The following VSTM2B variants were observed in gnomAD, a reference collection of about 807,000 sequenced individuals.
VSTM2B encodes the protein V-set and transmembrane domain-containing protein 2B.
A neutral mutation model predicts 24.0 loss-of-function variants in VSTM2B; 24 were observed. That is an observed-to-expected ratio of 1.00 (90% CI 0.72 to 1.40). The LOEUF (loss-of-function observed/expected upper bound fraction) is 1.40. VSTM2B is among the 40% of genes most tolerant of loss of function. VSTM2B has a pLI of 0.00. For missense variants in VSTM2B, 399 were observed against 416.4 expected (o/e 0.96, Z 0.36); for synonymous variants, 226 against 194.4 (o/e 1.16, Z -1.35).
At chr19:29,539,775 C>A (rs1379366584) in intron 4 of VSTM2B, among the ~76,000 whole-genome samples, 1 of 152,238 alleles carries the variant, frequency 6.6e-6, no homozygotes, top group East Asian at 1.9e-4. Flanking sequence ...GACAGAGATA[C>A]CACCTCTGGG....
chr19:29,552,795 G>A (rs1970316546), intron 4 of VSTM2B, among the ~76,000 whole-genome samples: 1 of 152,196 alleles, frequency 6.6e-6, no homozygotes, highest in East Asian at 1.9e-4. Flanking sequence ...GAGACTAGGT[G>A]GTTTGGACCC....
chr19:29,533,142 A>G (rs996244230), intron 4 of VSTM2B, among the ~76,000 whole-genome samples: 4 of 152,158 alleles, frequency 2.6e-5, no homozygotes, highest in Non-Finnish European at 5.9e-5. Context: ...CCCAGAAGAT[A>G]TGGAGGTCCT....
At chr19:29,549,151 T>C (rs1304262534) in intron 4 of VSTM2B, among the ~76,000 whole-genome samples, 1 of 152,252 alleles carries the variant, frequency 6.6e-6, no homozygotes, top group East Asian at 1.9e-4. Context: ...GATTATAATT[T>C]ACAATTTGTA....
In VSTM2B at chr19:29,562,962, C is replaced by T. The variant is rs367947802; in HGVS notation, c.770-884C>T. On this transcript the variant is annotated intron_variant, in intron 4 of 4. Coordinates refer to ENST00000335523, the MANE Select transcript of VSTM2B (RefSeq NM_001146339.2). ...TTCTCAAAGACCCCAGCCCACTCAT[C>T]TCCACCAACCTGCAATTTCTCAGCT... Among the ~76,000 whole-genome samples, 5 of 152,262 alleles carry T rather than the reference C, an allele frequency of 3.3e-5. No individual in the cohort carries two copies. In the East Asian group the frequency reaches 9.7e-4, roughly 30 times the overall value.
intron 4 of VSTM2B, among the ~76,000 whole-genome samples, chr19:29,557,222 GAAAT>G (rs1426636742): frequency 6.6e-6 from 1 of 152,138 alleles, no homozygotes; most frequent in Non-Finnish European, 1.5e-5. Context: ...AGAGAACTCA[GAAAT>G]AAATAAGACG....
chr19:29,551,110 G>T (rs570402360), intron 4 of VSTM2B, among the ~76,000 whole-genome samples: 1 of 152,302 alleles, frequency 6.6e-6, no homozygotes, highest in African/African-American at 2.4e-5. Context: ...TAAGCTGGGA[G>T]CCCCCTACTG....
At chr19:29,537,841 G>T (rs935289210) in intron 4 of VSTM2B, among the ~76,000 whole-genome samples, 3 of 151,972 alleles carry the variant, frequency 2.0e-5, no homozygotes, top group African/African-American at 7.3e-5. Flanking sequence ...CCCCCTAAAA[G>T]TCCCAGTTGA....
In VSTM2B at chr19:29,558,584, A is replaced by G. The variant is rs187745610; in HGVS notation, c.770-5262A>G. Among the ~76,000 whole-genome samples, 12 of 152,334 alleles carry G rather than the reference A, an allele frequency of 7.9e-5. No homozygotes were observed. The East Asian group carries it at 2.3e-3, about 29-fold the overall frequency. Reference sequence around the variant, plus strand: ...ACGGACATGGATGGAGCTGGAAGCCATTATCCTCAGGAAACTAATGCAAGA... The same window carrying G: ...ACGGACATGGATGGAGCTGGAAGCCGTTATCCTCAGGAAACTAATGCAAGA... On this transcript the variant is annotated intron_variant, in intron 4 of 4. Coordinates refer to ENST00000335523, the MANE Select transcript of VSTM2B (RefSeq NM_001146339.2).
chr19:29,530,231 C>T lies in VSTM2B; in HGVS notation c.710C>T (p.Ala237Val), dbSNP rs947093252. 44 of 1,502,836 alleles carry T rather than the reference C, an allele frequency of 2.9e-5. No homozygotes were observed. The highest frequency in any genetic ancestry group is 3.5e-5 in the Non-Finnish European group (40 of 1,132,706). The allele number at this position is 1,502,836 out of a possible 1,614,324, so 93.1% of individuals were successfully genotyped here. A position where few individuals can be genotyped will look rare whatever the true frequency, so the allele number is the denominator to read the frequency against. ...ACCACAGTCGCGGCAGCTGCTGCTG[C>T]CTCGTCAGCGTCGCCGCCATCGGGA... The part of the protein sequence containing the change: ...PTTTVAAAAA[A>V]SSASPPSGQA... The change falls in exon 4 of 5, where the codon GCC (alanine) becomes GTC (valine). Residue 237 changes from alanine to valine, a missense_variant. By Grantham distance (64) the Ala-to-Val change is moderately conservative. Transcript: ENST00000335523.
At chr19:29,552,760 C>A (rs1002790276) in intron 4 of VSTM2B, among the ~76,000 whole-genome samples, 5 of 152,220 alleles carry the variant, frequency 3.3e-5, no homozygotes, top group Non-Finnish European at 7.3e-5. Flanking sequence ...TTCCAGTCTG[C>A]TGCTTTTCCC....
rs192222346 is a variant in VSTM2B, at chr19:29,554,287, T to C, written c.770-9559T>C. 1.2e-3 allele frequency among the ~76,000 whole-genome samples: 185 copies of C among 152,296 alleles called. No individual in the cohort carries two copies. In the Middle Eastern group the frequency reaches 0.02, roughly 17 times the overall value. On this transcript the variant is annotated intron_variant, in intron 4 of 4. Coordinates refer to ENST00000335523, the MANE Select transcript of VSTM2B (RefSeq NM_001146339.2). ...CCAATATTCAACATTCTTAAAAGAA[T>C]TTCCAACACAGAATATCATATCCAG...
chr19:29,541,382 G>T (rs557579785), intron 4 of VSTM2B, among the ~76,000 whole-genome samples: 17 of 152,220 alleles, frequency 1.1e-4, no homozygotes, highest in African/African-American at 3.1e-4. Flanking sequence ...TCTGAATGGG[G>T]TGATAAAAAC....
intron 4 of VSTM2B, among the ~76,000 whole-genome samples, chr19:29,531,892 AT>A (rs1969769213): frequency 6.6e-6 from 1 of 152,264 alleles, no homozygotes; most frequent in Admixed American, 6.5e-5. Flanking sequence ...CCATGCAGTC[AT>A]CCAGGGACCC....
At chr19:29,532,597 C>T (rs1255521944) in intron 4 of VSTM2B, among the ~76,000 whole-genome samples, 1 of 152,222 alleles carries the variant, frequency 6.6e-6, no homozygotes, top group East Asian at 1.9e-4. Context: ...GGTTGTGCTT[C>T]CACCACTTAC....
chr19:29,529,931 C>A lies in VSTM2B; in HGVS notation c.410C>A (p.Thr137Lys). The change falls in exon 4 of 5, where the codon ACG (threonine) becomes AAG (lysine). Residue 137 changes from threonine (T) to lysine (K), a missense_variant. Transcript: ENST00000335523. ...GTGTCGGACTACAGCGACGACGACACGCAGGAGCACAAGGCCCAGGCGATG... is the reference window on the plus strand; with the variant it reads ...GTGTCGGACTACAGCGACGACGACAAGCAGGAGCACAAGGCCCAGGCGATG... Reference protein sequence around the residue: ...CRVSDYSDDDTQEHKAQAMLR... With the variant: ...CRVSDYSDDDKQEHKAQAMLR... The A allele has an allele frequency of 6.5e-7, 1 of 1,550,050 alleles. No individual in the cohort carries two copies. Among genetic ancestry groups the A allele is most frequent in the Non-Finnish European group, 8.7e-7 (1 of 1,146,822 alleles).
In VSTM2B at chr19:29,533,983, T is replaced by A. The variant is rs1969823831; in HGVS notation, c.769+3693T>A. ...GAGGGGTCCAGAAAGGACCGCTGCC[T>A]CTTGGTTAATAGTCAAGAGTGTTTG... On this transcript the variant is annotated intron_variant, in intron 4 of 4. Coordinates refer to ENST00000335523, the MANE Select transcript of VSTM2B (RefSeq NM_001146339.2). Among the ~76,000 whole-genome samples the A allele has an allele frequency of 2.0e-5, 3 of 152,232 alleles. No homozygotes were observed. The South Asian group carries it at 6.2e-4, about 32-fold the overall frequency.
At chr19:29,550,015 T>G (rs1359411565) in intron 4 of VSTM2B, among the ~76,000 whole-genome samples, 1 of 152,248 alleles carries the variant, frequency 6.6e-6, no homozygotes, top group Non-Finnish European at 1.5e-5. Flanking sequence ...CCTTCTTGTT[T>G]CATTCTTAGA....
chr19:29,529,041 C>T, intron 3 of VSTM2B: 1 of 985,466 alleles, frequency 1.0e-6, no homozygotes, highest in Non-Finnish European at 1.2e-6. Context: ...AGCTTCCCAC[C>T]TGGAGCGTAG....
chr19:29,529,229 GC>G, intron 3 of VSTM2B: 2 of 670,082 alleles, frequency 3.0e-6, no homozygotes, highest in Non-Finnish European at 3.7e-6. Context: ...GTAGCAGGTG[GC>G]CAGGGAGCCA....
Sources: allele counts gnomAD v4.1 joint callset (sites outside exome capture counted in the v4.1 genomes callset), GRCh38; gene constraint gnomAD v4.1.1; transcripts MANE v1.5; gene names NCBI Gene and HGNC (gene_info 2026-07-23, HGNC 2026-07-21).